C3orf20: variants seen among roughly 807,000 people sequenced by gnomAD.
C3orf20 encodes uncharacterized protein C3orf20.
In C3orf20, 76 loss-of-function variants were observed where a neutral mutation model predicts 88.3. The ratio of observed to expected loss-of-function variants is 0.86; its 90% confidence interval spans 0.72 to 1.04. The LOEUF is 1.04. Ranked by LOEUF, C3orf20 falls within the 50% of genes least tolerant of loss-of-function variation. The pLI is 0.00. For synonymous variants in C3orf20, 436 were observed against 437.4 expected (o/e 1.00, Z 0.04); for missense variants, 1,056 against 1,123.3 (o/e 0.94, Z 0.86).
In C3orf20 at chr3:14,715,317, G is replaced by A. The variant is rs185749449; in HGVS notation, c.1342G>A (p.Glu448Lys). The change falls in exon 9 of 17, where the codon GAA (glutamate) becomes AAA (lysine). Residue 448 changes from glutamate (E) to lysine (K), a missense_variant. Transcript: ENST00000253697. ...SCPYVLILDE[E>K]GGTTNDQQGY... ...CCCATATGTCTTAATCTTGGATGAG[G>A]AAGGTGGGACCACCAATGACCAGCA... 4.3e-6 allele frequency: 7 copies of A among 1,612,478 alleles called. No individual in the cohort carries two copies. Among genetic ancestry groups the A allele is most frequent in the Non-Finnish European group, 5.9e-6 (7 of 1,179,802 alleles).
chr3:14,725,891 A>C (rs1466049383), intron 10 of C3orf20, among the ~76,000 whole-genome samples: 1 of 151,474 alleles, frequency 6.6e-6, no homozygotes, highest in African/African-American at 2.4e-5. Flanking sequence ...AAAAATGACC[A>C]GGACCCAGGG....
At chr3:14,713,379 C>T (rs1181964209) in intron 7 of C3orf20, among the ~76,000 whole-genome samples, 1 of 152,142 alleles carries the variant, frequency 6.6e-6, no homozygotes, top group Non-Finnish European at 1.5e-5. Flanking sequence ...TTCTGAAATG[C>T]TTCTGTGTCT....
At chr3:14,728,407 G>C (rs144067148) in intron 11 of C3orf20, 32 bp from the exon 12 acceptor site, 2 of 1,611,586 alleles carry the variant, frequency 1.2e-6, no homozygotes, top group Non-Finnish European at 1.7e-6. Flanking sequence ...TGGCCATGAA[G>C]GGAAAATGAC....
chr3:14,699,969 A>G (rs1350628410), intron 5 of C3orf20, among the ~76,000 whole-genome samples: 2 of 152,178 alleles, frequency 1.3e-5, no homozygotes, highest in East Asian at 1.9e-4. Context: ...GCAGGTCTAA[A>G]TGCTCCCTCC....
rs1356852374 is a variant in C3orf20, at chr3:14,734,728, T to C, written c.1940+6040T>C. ...TATTAATTTAATTTATTAATCATAT[T>C]GCTTAAATCTTATATATACTTATAA... On this transcript the variant is annotated intron_variant, in intron 12 of 16. Transcript: ENST00000253697. Among the ~76,000 whole-genome samples the C allele has an allele frequency of 2.6e-5, 4 of 152,248 alleles. No individual in the cohort carries two copies. In the East Asian group the frequency reaches 7.7e-4, roughly 29 times the overall value.
At chr3:14,708,648 T>C (rs1423575966) in intron 7 of C3orf20, among the ~76,000 whole-genome samples, 1 of 152,030 alleles carries the variant, frequency 6.6e-6, no homozygotes, top group East Asian at 1.9e-4. Flanking sequence ...GTTGTTGTTG[T>C]TGTTGTTGTT....
intron 5 of C3orf20, among the ~76,000 whole-genome samples, chr3:14,694,350 A>G (rs1213466106): frequency 6.6e-6 from 1 of 152,044 alleles, no homozygotes; most frequent in Non-Finnish European, 1.5e-5. Flanking sequence ...TTTTTATTAT[A>G]GTTTCAATCT....
intron 9 of C3orf20, among the ~76,000 whole-genome samples, chr3:14,719,299 C>A (rs936356265): frequency 2.0e-5 from 3 of 152,046 alleles, no homozygotes; most frequent in Non-Finnish European, 4.4e-5. Context: ...AGTGGGTGGG[C>A]TAGTGGAGAG....
intron 5 of C3orf20, among the ~76,000 whole-genome samples, chr3:14,692,568 G>T (rs1353298379): frequency 6.6e-6 from 1 of 152,064 alleles, no homozygotes; most frequent in African/African-American, 2.4e-5. Flanking sequence ...GAGCTTGAAA[G>T]ATCACTCAAT....
chr3:14,717,932 A>G (rs1213687853), intron 9 of C3orf20, among the ~76,000 whole-genome samples: 2 of 152,066 alleles, frequency 1.3e-5, no homozygotes, highest in Non-Finnish European at 2.9e-5. Context: ...TAGTTATTCA[A>G]GTCACTGTTT....
At chr3:14,708,799 A>G (rs2033624836) in intron 7 of C3orf20, among the ~76,000 whole-genome samples, 3 of 152,058 alleles carry the variant, frequency 2.0e-5, no homozygotes, top group Admixed American at 6.5e-5. Flanking sequence ...GTGCGCCACC[A>G]TACCTGGCTA....
chr3:14,743,636 G>A (rs2034979217), intron 12 of C3orf20, among the ~76,000 whole-genome samples: 1 of 152,008 alleles, frequency 6.6e-6, no homozygotes, highest in South Asian at 2.1e-4. Flanking sequence ...TCTTCATGAG[G>A]ACCTCACCCC....
chr3:14,744,900 G>C (rs527722419), intron 12 of C3orf20, among the ~76,000 whole-genome samples: 6 of 152,268 alleles, frequency 3.9e-5, no homozygotes, highest in Admixed American at 2.6e-4. Context: ...ATTTCAGTGG[G>C]GACACAGCCA....
At chr3:14,690,163 G>A in intron 5 of C3orf20, 47 bp downstream of exon 5, 1 of 1,612,524 alleles carries the variant, frequency 6.2e-7, no homozygotes, top group Non-Finnish European at 8.5e-7. Context: ...GGTGGCGGTG[G>A]GGTGGGGGAT....
chr3:14,771,359 A>G (rs1348243265), intron 15 of C3orf20, among the ~76,000 whole-genome samples: 1 of 152,254 alleles, frequency 6.6e-6, no homozygotes, highest in Non-Finnish European at 1.5e-5. Context: ...AGGTGACCCA[A>G]ACTGAGTGGC....
chr3:14,680,771 A>G (rs1298749175), intron 1 of C3orf20, among the ~76,000 whole-genome samples: 9 of 152,218 alleles, frequency 5.9e-5, no homozygotes, highest in Non-Finnish European at 1.2e-4. Flanking sequence ...TTCAAGACTT[A>G]TATTAGTTAT....
rs769584929 is a variant in C3orf20, at chr3:14,684,270, G to A, written c.513G>A (p.Arg171=). 6.2e-6 allele frequency: 10 copies of A among 1,614,150 alleles called. No homozygotes were observed. The highest frequency in any genetic ancestry group is 8.5e-6 in the Non-Finnish European group (10 of 1,180,030). ...GTGCCAACCCCTTGGACATCACCAGGCGCTTTGTGGAGGCCAGCCAGCTCC... is the reference window on the plus strand; with the variant it reads ...GTGCCAACCCCTTGGACATCACCAGACGCTTTGTGGAGGCCAGCCAGCTCC... The part of the protein sequence containing the change: ...SVGANPLDIT[R]RFVEASQLLH... The change falls in exon 4 of 17, where the codon AGG becomes AGA. Residue 171 remains arginine (R), a synonymous_variant. Transcript: ENST00000253697.
chr3:14,710,756 T>A (rs1302221288), intron 7 of C3orf20, among the ~76,000 whole-genome samples: 1 of 152,238 alleles, frequency 6.6e-6, no homozygotes, highest in Non-Finnish European at 1.5e-5. Context: ...TGGCCTAACA[T>A]ATTGTCTGTA....
intron 11 of C3orf20, 113 bp from the exon 12 acceptor site, chr3:14,728,326 A>G: frequency 7.9e-7 from 1 of 1,258,854 alleles, no homozygotes; most frequent in Non-Finnish European, 1.1e-6. Context: ...ATGAGAGCGG[A>G]GGGGAGGAGA....
Sources: gnomAD v4.1 joint callset for allele counts (sites outside exome capture counted in the v4.1 genomes callset) on GRCh38, gnomAD v4.1.1 for gene constraint, MANE v1.5 for transcripts, NCBI Gene and HGNC (gene_info 2026-07-23, HGNC 2026-07-21) for gene names.